The following PTPN4 variants were observed in gnomAD, a reference collection of about 807,000 sequenced individuals.
PTPN4 encodes tyrosine-protein phosphatase non-receptor type 4.
PTPN4 carries 49 observed loss-of-function variants against 135.5 expected under a neutral mutation model. That is an observed-to-expected ratio of 0.36 (90% CI 0.29 to 0.46). The LOEUF is 0.46. Ranked by LOEUF, PTPN4 falls within the 20% of genes least tolerant of loss-of-function variation. The probability of loss-of-function intolerance (pLI) is 1.00; values close to 1 mark genes in which losing one functional copy is unlikely to be tolerated. For synonymous variants in PTPN4, 333 were observed against 369.9 expected (o/e 0.90, Z 1.14); for missense variants, 860 against 1,101.0 (o/e 0.78, Z 3.10).
At chr2:119,871,094 A>G (rs528874500) in intron 3 of PTPN4, among the ~76,000 whole-genome samples, 81 of 150,852 alleles carry the variant, frequency 5.4e-4, no homozygotes, top group Non-Finnish European at 9.9e-4. Flanking sequence ...GTAACTATTA[A>G]TAACAAACGT....
chr2:119,950,408 TG>T (rs1679195915), intron 18 of PTPN4, among the ~76,000 whole-genome samples: 1 of 152,236 alleles, frequency 6.6e-6, no homozygotes, highest in Non-Finnish European at 1.5e-5. Context: ...TTTAAAGCTT[TG>T]GGTTGAATTA....
chr2:119,909,985 T>C (rs964960011), intron 10 of PTPN4, among the ~76,000 whole-genome samples: 2 of 152,152 alleles, frequency 1.3e-5, no homozygotes, highest in Non-Finnish European at 2.9e-5. Context: ...AAGTGATTTT[T>C]TGAGATGGAA....
At chr2:119,890,016 G>A (rs1486427030) in intron 9 of PTPN4, among the ~76,000 whole-genome samples, 1 of 152,178 alleles carries the variant, frequency 6.6e-6, no homozygotes. Context: ...TGTTCTGTAA[G>A]TGTCTGTTTG....
chr2:119,823,675 G>A (rs1385927816), intron 2 of PTPN4, among the ~76,000 whole-genome samples: 5 of 152,150 alleles, frequency 3.3e-5, no homozygotes, highest in Admixed American at 1.3e-4. Context: ...CAAATTCTGT[G>A]TTTGCTGAAG....
chr2:119,855,304 C>A (rs1677660375), intron 2 of PTPN4, among the ~76,000 whole-genome samples: 1 of 152,164 alleles, frequency 6.6e-6, no homozygotes. Flanking sequence ...CCAGATGATG[C>A]TGCTGTCTCG....
At chr2:119,920,299 A>G (rs902242975) in intron 12 of PTPN4, 58 bp downstream of exon 12, 1 of 1,491,424 alleles carries the variant, frequency 6.7e-7, no homozygotes, top group Non-Finnish European at 9.1e-7. Context: ...TTTCTTTAAA[A>G]TAAAGATGTA....
chr2:119,848,080 C>T (rs1176273167), intron 2 of PTPN4, among the ~76,000 whole-genome samples: 2 of 150,770 alleles, frequency 1.3e-5, no homozygotes, highest in African/African-American at 4.9e-5. Flanking sequence ...ATTGTACTTA[C>T]AGTTCATTGA....
At chr2:119,793,355 G>C (rs1691186018) in intron 1 of PTPN4, among the ~76,000 whole-genome samples, 1 of 152,200 alleles carries the variant, frequency 6.6e-6, no homozygotes, top group Admixed American at 6.5e-5. Context: ...CAGGCAGTTA[G>C]ACCTAATGGT....
chr2:119,954,007 T>G (rs1182401390), intron 19 of PTPN4, among the ~76,000 whole-genome samples: 1 of 152,238 alleles, frequency 6.6e-6, no homozygotes, highest in African/African-American at 2.4e-5. Flanking sequence ...TGCATCTGTT[T>G]TCAGTGTGGG....
At chr2:119,969,569 T>C (rs1201057016) in intron 26 of PTPN4, among the ~76,000 whole-genome samples, 1 of 124,672 alleles carries the variant, frequency 8.0e-6, no homozygotes, top group Admixed American at 8.0e-5. Flanking sequence ...TTTTTTTTTT[T>C]TTTTTTTGAG....
chr2:119,784,845 T>C (rs1295751802), intron 1 of PTPN4, among the ~76,000 whole-genome samples: 1 of 152,068 alleles, frequency 6.6e-6, no homozygotes, highest in Non-Finnish European at 1.5e-5. Context: ...GTCAGTCTTC[T>C]AACTCTTGAA....
Position 119,977,282 on chromosome 2 carries a change from T to G in PTPN4, c.*212T>G. The G allele has an allele frequency of 1.3e-6, 1 of 782,594 alleles. No homozygotes were observed. Among genetic ancestry groups the G allele is most frequent in the South Asian group, 3.6e-5 (1 of 27,724 alleles). 48.5% of individuals were successfully genotyped at this position (782,594 alleles called of 1,614,324 possible). A position where few individuals can be genotyped will look rare whatever the true frequency, so the allele number is the denominator to read the frequency against. On this transcript the variant is annotated 3_prime_UTR_variant, in exon 27 of 27. Coordinates refer to ENST00000263708, the MANE Select transcript of PTPN4 (RefSeq NM_002830.4). The stretch of plus-strand genomic sequence containing the variant: ...ATGTATTTGAAGACTGTTTCATGCT[T>G]TGCTCCGAACAAATAGTAAATAACT...
intron 2 of PTPN4, among the ~76,000 whole-genome samples, chr2:119,848,364 G>A (rs1677538885): frequency 1.3e-5 from 2 of 151,820 alleles, no homozygotes; most frequent in Non-Finnish European, 1.5e-5. Flanking sequence ...TAATAGAGAC[G>A]GGGTTTCACC....
chr2:119,784,628 C>G (rs1466243176), intron 1 of PTPN4, among the ~76,000 whole-genome samples: 2 of 151,614 alleles, frequency 1.3e-5, no homozygotes, highest in East Asian at 3.9e-4. Flanking sequence ...ACCTTGTGAT[C>G]TGCCCGCCTT....
At chr2:119,823,480 GCCT>G (rs1316778598) in intron 2 of PTPN4, among the ~76,000 whole-genome samples, 1 of 152,060 alleles carries the variant, frequency 6.6e-6, no homozygotes, top group African/African-American at 2.4e-5. Flanking sequence ...TGATCCACCC[GCCT>G]CGGCCTCCTA....
At chr2:119,952,688 A>G (rs1388546690) in intron 19 of PTPN4, among the ~76,000 whole-genome samples, 3 of 152,228 alleles carry the variant, frequency 2.0e-5, no homozygotes, top group Non-Finnish European at 4.4e-5. Context: ...TCAGTATATG[A>G]TGTCTACTTG....
rs952328538 is a variant in PTPN4 at position 119,760,012 on chromosome 2, A to G, written c.-390A>G. On this transcript the variant is annotated 5_prime_UTR_variant, in exon 1 of 27. Transcript: ENST00000263708. ...TGTTCTCTCAGGACTCCTGGGTCCC[A>G]GGGGCCGGAATTGGGCCTGAGCGGG... is the stretch of plus-strand genomic sequence containing the variant. The G allele has an allele frequency of 5.2e-6, 2 of 381,966 alleles. No homozygotes were observed. Among genetic ancestry groups the G allele is most frequent in the Non-Finnish European group, 9.3e-6 (2 of 215,840 alleles). The allele number at this position is 381,966 out of a possible 1,614,324, so 23.7% of individuals were successfully genotyped here.
intron 2 of PTPN4, among the ~76,000 whole-genome samples, chr2:119,823,284 G>C (rs1374457454): frequency 6.7e-6 from 1 of 149,908 alleles, no homozygotes; most frequent in Non-Finnish European, 1.5e-5. Flanking sequence ...GCCCAGGCTA[G>C]AGTGCAGTGG....
intron 2 of PTPN4, among the ~76,000 whole-genome samples, chr2:119,846,069 G>A (rs1677494816): frequency 6.6e-6 from 1 of 152,070 alleles, no homozygotes; most frequent in Non-Finnish European, 1.5e-5. Flanking sequence ...TATTATTTCA[G>A]TTCCTTTAAA....
Sources: allele counts gnomAD v4.1 joint callset (sites outside exome capture counted in the v4.1 genomes callset), GRCh38; gene constraint gnomAD v4.1.1; transcripts MANE v1.5; gene names NCBI Gene and HGNC (gene_info 2026-07-23, HGNC 2026-07-21).